Variants in MAP3K6 observed in about 807,000 individuals in gnomAD.
MAP3K6 encodes apoptosis signal-regulating kinase 2.
MAP3K6 carries 105 observed loss-of-function variants against 147.1 expected under a neutral mutation model. That is an observed-to-expected ratio of 0.71 (90% CI 0.61 to 0.84). The LOEUF (loss-of-function observed/expected upper bound fraction) is 0.84, where lower values mean the gene tolerates loss of function less well. Ranked by LOEUF, MAP3K6 falls within the 40% of genes least tolerant of loss-of-function variation. The pLI is 0.00. For missense variants in MAP3K6, 1,569 were observed against 1,715.0 expected, an observed-to-expected ratio of 0.91 and a Z score of 1.50; for synonymous variants, 695 against 732.4, an observed-to-expected ratio of 0.95 and a Z score of 0.82.
At chr1:27,356,897 GCGCCTGCCTGCCCCTGT>G in intron 24 of MAP3K6, 95 bp downstream of exon 24, 1 of 1,407,496 alleles carries the variant, frequency 7.1e-7, no homozygotes, top group African/African-American at 1.4e-5. Context: ...GCCCCCACCG[GCGCCTGCCTGCCCCTGT>G]CCCGCCTGGC....
chr1:27,366,214 C>A lies in MAP3K6; in HGVS notation c.340+44G>T. ...AGCCCGGCTTGGTCCCCTCCCAGGA[C>A]CCTGAGTCCCGCCCGGATCCGGCCC... On this transcript the variant is annotated intron_variant, in intron 1 of 28. Transcript: ENST00000357582. The surrounding 1 kb of genome is among the most constrained non-coding windows in gnomAD (Gnocchi z 5.5). 1 of 1,278,454 alleles carries A rather than the reference C, an allele frequency of 7.8e-7. No individual in the cohort carries two copies. The highest frequency in any genetic ancestry group is 9.9e-7 in the Non-Finnish European group (1 of 1,013,168). The allele number at this position is 1,278,454 out of a possible 1,614,324, so 79.2% of individuals were successfully genotyped here.
rs755723734 is a variant in MAP3K6, at chr1:27,359,945, G to A, written c.2232C>T (p.Asn744=). 1.9e-6 allele frequency: 3 copies of A among 1,614,052 alleles called. No individual in the cohort carries two copies. The highest frequency in any genetic ancestry group is 2.2e-5 in the East Asian group (1 of 44,872). Reference sequence around the variant, plus strand: ...GGGTGTAGAAACTGATGGTGCTCTCGTTGTCCTTCAGGGGTCCCCACACCG... The same window carrying A: ...GGGTGTAGAAACTGATGGTGCTCTCATTGTCCTTCAGGGGTCCCCACACCG... ...LRSVWGPLKD[N]ESTISFYTRQ... Residue 744 remains asparagine (N), a synonymous_variant, in exon 17 of 29, where the codon AAC becomes AAT. Transcript: ENST00000357582. The surrounding 1 kb of genome is among the most constrained non-coding windows in gnomAD (Gnocchi z 4.4).
Position 27,355,835 on chromosome 1 carries a change from C to T in MAP3K6, c.3712-90G>A. ...CCAGGTACTAGCTCTGCTCTGTTGC[C>T]AAAATAATGAGGCAGATCACACCCT... On this transcript the variant is annotated intron_variant, in intron 27 of 28. Transcript: ENST00000357582. The T allele has an allele frequency of 1.9e-5, 25 of 1,311,802 alleles. No homozygotes were observed. In the South Asian group the frequency reaches 3.0e-4, roughly 16 times the overall value. 81.3% of individuals were successfully genotyped at this position (1,311,802 alleles called of 1,614,324 possible). A position where few individuals can be genotyped will look rare whatever the true frequency, so the allele number is the denominator to read the frequency against.
chr1:27,356,646 C>T lies in MAP3K6; in HGVS notation c.3468G>A (p.Glu1156=). The T allele has an allele frequency of 6.2e-7, 1 of 1,612,226 alleles. No individual in the cohort carries two copies. The highest frequency in any genetic ancestry group is 8.5e-7 in the Non-Finnish European group (1 of 1,179,048). The change falls in exon 25 of 29, where the codon GAG becomes GAA. Residue 1156 remains glutamate, a synonymous_variant. Coordinates refer to ENST00000357582, the MANE Select transcript of MAP3K6 (RefSeq NM_004672.5). ...GQQSPLPVEP[E]QGPAPLMVQL... ...GCACCATCAGAGGAGCGGGGCCCTGCTCGGGCTCCACCGGAAGCGGGCTCT... is the reference window on the plus strand; with the variant it reads ...GCACCATCAGAGGAGCGGGGCCCTGTTCGGGCTCCACCGGAAGCGGGCTCT...
chr1:27,356,743 T>G lies in MAP3K6; in HGVS notation c.3371A>C (p.Glu1124Ala). ...TGACCTCGGTGAGACCGCCTCCTTC[T>G]CCACCTCTGCAGCCCAGTGCGGTGA... ...AALGVLGPEVEKEAVSPRSEE... is the reference protein window; with the variant it reads ...AALGVLGPEVAKEAVSPRSEE... Residue 1124 changes from glutamate to alanine, a missense_variant, in exon 25 of 29, where the codon GAG becomes GCG. By Grantham distance (107) the Glu-to-Ala change is moderately radical. Transcript: ENST00000357582. 1 of 1,563,068 alleles carries G rather than the reference T, an allele frequency of 6.4e-7. No individual in the cohort carries two copies. Among genetic ancestry groups the G allele is most frequent in the East Asian group, 2.3e-5 (1 of 44,422 alleles).
intron 24 of MAP3K6, 112 bp from the exon 25 acceptor site, chr1:27,356,861 G>A: frequency 6.2e-6 from 9 of 1,441,714 alleles, no homozygotes; most frequent in Non-Finnish European, 8.4e-6. Flanking sequence ...AGGCGGTGCC[G>A]GTATGGGAGA....
At position 27,366,412 on chromosome 1, in the gene MAP3K6, C is replaced by T. The variant is rs2015988811; in HGVS notation, c.186G>A (p.Arg62=). 1.6e-6 allele frequency: 2 copies of T among 1,229,782 alleles called. No individual in the cohort carries two copies. The highest frequency in any genetic ancestry group is 1.6e-5 in the African/African-American group (1 of 63,810). The allele number at this position is 1,229,782 out of a possible 1,614,324, so 76.2% of individuals were successfully genotyped here. A position where few individuals can be genotyped will look rare whatever the true frequency, so the allele number is the denominator to read the frequency against. Residue 62 remains arginine (R), a synonymous_variant, in exon 1 of 29, where the codon CGG becomes CGA. Coordinates refer to ENST00000357582, the MANE Select transcript of MAP3K6 (RefSeq NM_004672.5). The surrounding 1 kb of genome is among the most constrained non-coding windows in gnomAD (Gnocchi z 5.5). ...GCAGCGGCTCCGCCTCGGTTCCCTC[C>T]CGAGGCTCGAGCCCGGGCTGCGGCT... ...TREPQPGLEP[R]EGTEAEPLPL... is the part of the protein sequence containing the mutation.
chr1:27,361,022 A>G lies in MAP3K6; in HGVS notation c.1833-14T>C. 6.4e-7 allele frequency: 1 copy of G among 1,568,426 alleles called. No individual in the cohort carries two copies. The stretch of plus-strand genomic sequence containing the variant: ...AGGCCGCAGAACCTGAAGGTGGGGG[A>G]GGTCAGACCCGCGGGAGGGGCATCT... On this transcript the variant is annotated splice_polypyrimidine_tract_variant and intron_variant, in intron 13 of 28. Coordinates refer to ENST00000357582, the MANE Select transcript of MAP3K6 (RefSeq NM_004672.5).
At position 27,359,515 on chromosome 1, in the gene MAP3K6, T is replaced by C. The variant is rs750999808; in HGVS notation, c.2327A>G (p.Asn776Ser). The C allele has an allele frequency of 3.7e-6, 6 of 1,614,014 alleles. No individual in the cohort carries two copies. The highest frequency in any genetic ancestry group is 1.7e-5 in the Admixed American group (1 of 60,016). Residue 776 changes from asparagine (N) to serine (S), a missense_variant, in exon 18 of 29, where the codon AAT becomes AGT. Physicochemically the swap from Asn to Ser is conservative, Grantham distance 46. Transcript: ENST00000357582. This position sits in a 1 kb window ranked among gnomAD's most constrained non-coding sequence, Gnocchi z 4.4. Reference protein sequence around the residue: ...HIVHRDIKGDNVLINTFSGLL... With the variant: ...HIVHRDIKGDSVLINTFSGLL... ...CCCACTGAAGGTGTTGATCAGCACATTGTCCCCCTGATTGACAGCCATTAG... is the reference window on the plus strand; with the variant it reads ...CCCACTGAAGGTGTTGATCAGCACACTGTCCCCCTGATTGACAGCCATTAG...
chr1:27,359,589 G>A lies in MAP3K6; in HGVS notation c.2320-67C>T. The A allele has an allele frequency of 6.2e-7, 1 of 1,601,072 alleles. No homozygotes were observed. The highest frequency in any genetic ancestry group is 8.5e-7 in the Non-Finnish European group (1 of 1,172,786). ...CAGCAGAAGTAGACCCTCTTTCTGG[G>A]ATCCCATCTCCTGGAGATCCCAGCC... is the stretch of plus-strand genomic sequence containing the variant. On this transcript the variant is annotated intron_variant, in intron 17 of 28. Transcript: ENST00000357582. This position sits in a 1 kb window ranked among gnomAD's most constrained non-coding sequence, Gnocchi z 4.4.
In MAP3K6 at chr1:27,360,437, G is replaced by C. The variant is rs1237248791; in HGVS notation, c.2055-69C>G. The stretch of plus-strand genomic sequence containing the variant: ...GAGAAGCCCCGCCCATCCCACGCCA[G>C]CCTGGCCCCGCCCCAAGGACCCGCC... On this transcript the variant is annotated intron_variant, in intron 15 of 28. Coordinates refer to ENST00000357582, the MANE Select transcript of MAP3K6 (RefSeq NM_004672.5). This position sits in a 1 kb window ranked among gnomAD's most constrained non-coding sequence, Gnocchi z 4.5. The C allele has an allele frequency of 1.3e-5, 19 of 1,512,428 alleles. No individual in the cohort carries two copies. The highest frequency in any genetic ancestry group is 3.6e-6 in the Non-Finnish European group (4 of 1,125,920). 93.7% of individuals were successfully genotyped at this position (1,512,428 alleles called of 1,614,324 possible).
chr1:27,358,819 C>A lies in MAP3K6; in HGVS notation c.2473G>T (p.Gly825Trp), dbSNP rs1191484843. 1.2e-6 allele frequency: 2 copies of A among 1,608,904 alleles called. No homozygotes were observed. The highest frequency in any genetic ancestry group is 1.7e-6 in the Non-Finnish European group (2 of 1,177,222). ...CAGATGTCAGCTGCTTTCCCATACCCGCGTGGGCCCTGGTCAATGATTTCT... is the reference window on the plus strand; with the variant it reads ...CAGATGTCAGCTGCTTTCCCATACCAGCGTGGGCCCTGGTCAATGATTTCT... Reference protein sequence around the residue: ...APEIIDQGPRGYGKAADIWSL... With the variant: ...APEIIDQGPRWYGKAADIWSL... Residue 825 changes from glycine (G) to tryptophan (W), a missense_variant, in exon 19 of 29, where the codon GGG becomes TGG. By Grantham distance (184) the Gly-to-Trp change is radical. Coordinates refer to ENST00000357582, the MANE Select transcript of MAP3K6 (RefSeq NM_004672.5). The surrounding 1 kb of genome is among the most constrained non-coding windows in gnomAD (Gnocchi z 6.2).
chr1:27,361,484 G>C, intron 11 of MAP3K6, 36 bp downstream of exon 11: 1 of 1,612,580 alleles, frequency 6.2e-7, no homozygotes, highest in Non-Finnish European at 8.5e-7. Context: ...AAAGGTCCTA[G>C]CAAAGGTGAG....
In MAP3K6 at chr1:27,360,755, G is replaced by T; in HGVS notation, c.2004C>A (p.Arg668=). 1.9e-6 allele frequency: 3 copies of T among 1,612,656 alleles called. No individual in the cohort carries two copies. Among genetic ancestry groups the T allele is most frequent in the Admixed American group, 1.7e-5 (1 of 59,994 alleles). ...TYGVVYAGRD[R]HTRVRIAIKE... ...TGATGGCGATGCGCACCCTCGTGTG[G>T]CGATCGCGGCCCGCGTACACCACCC... Residue 668 remains arginine, a synonymous_variant, in exon 15 of 29, where the codon CGC becomes CGA. Coordinates refer to ENST00000357582, the MANE Select transcript of MAP3K6 (RefSeq NM_004672.5). This position sits in a 1 kb window ranked among gnomAD's most constrained non-coding sequence, Gnocchi z 4.5.
In MAP3K6 at chr1:27,359,780, C is replaced by G. The variant is rs1368751955; in HGVS notation, c.2319+78G>C. On this transcript the variant is annotated intron_variant, in intron 17 of 28. Transcript: ENST00000357582. The surrounding 1 kb of genome is among the most constrained non-coding windows in gnomAD (Gnocchi z 4.4). The stretch of plus-strand genomic sequence containing the variant: ...AACAGGTCTGCTCACTTAATCTAAA[C>G]TGCCAGCCTGCGTCTGGGACCATGT... 6 of 1,592,984 alleles carry G rather than the reference C, an allele frequency of 3.8e-6. No homozygotes were observed. Among genetic ancestry groups the G allele is most frequent in the Non-Finnish European group, 3.4e-6 (4 of 1,165,476 alleles).
intron 1 of MAP3K6, among the ~76,000 whole-genome samples, chr1:27,365,980 G>A (rs1406977127): frequency 1.4e-5 from 2 of 142,754 alleles, no homozygotes; most frequent in African/African-American, 5.3e-5. Flanking sequence ...TTGCCCCGCT[G>A]GCTGGGCACC....
At position 27,364,140 on chromosome 1, in the gene MAP3K6, G is replaced by A; in HGVS notation, c.696-55C>T. The A allele has an allele frequency of 1.9e-6, 3 of 1,599,148 alleles. No individual in the cohort carries two copies. Among genetic ancestry groups the A allele is most frequent in the Non-Finnish European group, 2.6e-6 (3 of 1,172,440 alleles). ...AGAGAATGGTGGGGCCTGTACCTCA[G>A]CCCCAGCCCACCATACCCTCACCAG... On this transcript the variant is annotated intron_variant, in intron 4 of 28. Transcript: ENST00000357582. This position sits in a 1 kb window ranked among gnomAD's most constrained non-coding sequence, Gnocchi z 4.4.
rs747360207 is a variant in MAP3K6 at position 27,362,164 on chromosome 1, G to A, written c.1342C>T (p.Gln448Ter). The A allele has an allele frequency of 2.5e-6, 4 of 1,613,542 alleles. No homozygotes were observed. The highest frequency in any genetic ancestry group is 2.2e-5 in the South Asian group (2 of 91,076). ...TGGGTGGGGTCATTGGCGAGGATCTGGGCTCCCAGGTAGAAACCCACATCC... is the reference window on the plus strand; with the variant it reads ...TGGGTGGGGTCATTGGCGAGGATCTAGGCTCCCAGGTAGAAACCCACATCC... ...YWDVGFYLGA[Q>*]ILANDPTQVV... Residue 448 changes from glutamine to a stop codon, truncating the protein, a stop_gained, in exon 9 of 29, where the codon CAG (glutamine) becomes TAG (stop). Coordinates refer to ENST00000357582, the MANE Select transcript of MAP3K6 (RefSeq NM_004672.5). LOFTEE classifies it high-confidence loss of function.
chr1:27,357,212 G>A (rs996441862), intron 23 of MAP3K6, 98 bp from the exon 24 acceptor site: 10 of 1,285,932 alleles, frequency 7.8e-6, no homozygotes, highest in African/African-American at 5.8e-5. Context: ...GGAGGCGAGT[G>A]GGGTGGGCGG....
Sources: allele counts gnomAD v4.1 joint callset (sites outside exome capture counted in the v4.1 genomes callset), GRCh38; gene constraint gnomAD v4.1.1; non-coding constraint Gnocchi (gnomAD v3.1); transcripts MANE v1.5; gene names NCBI Gene and HGNC (gene_info 2026-07-23, HGNC 2026-07-21).